The following CTNNA3 variants were observed in gnomAD, a reference collection of about 807,000 sequenced individuals.
CTNNA3 encodes catenin alpha-3.
Under a neutral mutation model 95.7 loss-of-function variants are expected in CTNNA3, and 76 were observed. That is an observed-to-expected ratio of 0.79 (90% CI 0.66 to 0.96). The LOEUF is 0.96. Ranked by LOEUF, CTNNA3 falls within the 40% of genes least tolerant of loss-of-function variation. The pLI is 0.00. For synonymous variants in CTNNA3, 431 were observed against 374.4 expected (o/e 1.15, Z -1.74); for missense variants, 1,191 against 1,089.8 (o/e 1.09, Z -1.31).
rs1297031759 is a variant in CTNNA3, at chr10:67,566,063, A to G, written c.293-26394T>C. On this transcript the variant is annotated intron_variant, in intron 3 of 17. Transcript: ENST00000433211. ...TGTGTGTATATATATATATATATATATATATATATACAAAACCTAGGCATT... is the reference window on the plus strand; with the variant it reads ...TGTGTGTATATATATATATATATATGTATATATATACAAAACCTAGGCATT... Among the ~76,000 whole-genome samples, 14 of 97,160 alleles carry G rather than the reference A, an allele frequency of 1.4e-4. 3 individuals carry two copies. Among genetic ancestry groups the G allele is most frequent in the South Asian group, 4.0e-4 (1 of 2,490 alleles). The allele number at this position is 97,160 out of a possible 152,430, so 63.7% of individuals were successfully genotyped here. A position where few individuals can be genotyped will look rare whatever the true frequency, so the allele number is the denominator to read the frequency against.
chr10:67,401,897 A>G (rs1844937676), intron 5 of CTNNA3, among the ~76,000 whole-genome samples: 1 of 152,246 alleles, frequency 6.6e-6, no homozygotes, highest in Non-Finnish European at 1.5e-5. Context: ...GACACCATAC[A>G]GAGCCTTAGT....
intron 7 of CTNNA3, among the ~76,000 whole-genome samples, chr10:67,172,587 T>C (rs1862065814): frequency 6.6e-6 from 1 of 152,150 alleles, no homozygotes; most frequent in Non-Finnish European, 1.5e-5. Context: ...TCATATAGTT[T>C]CTAGGTGGCC....
chr10:67,665,982 C>T lies in CTNNA3; in HGVS notation c.-5-18464G>A, dbSNP rs138294104. Among the ~76,000 whole-genome samples the T allele has an allele frequency of 8.3e-3, 1,261 of 152,240 alleles. 7 individuals carry two copies. Among genetic ancestry groups the T allele is most frequent in the Non-Finnish European group, 0.012 (790 of 68,012 alleles). On this transcript the variant is annotated intron_variant, in intron 1 of 17. Coordinates refer to ENST00000433211, the MANE Select transcript of CTNNA3 (RefSeq NM_013266.4). ...CATGTTATATGATACTTCCCTGAAG[C>T]GATCAAGCTTTCAGGTTACTTAAGA...
chr10:67,553,891 T>G (rs907474237), intron 3 of CTNNA3, among the ~76,000 whole-genome samples: 1 of 152,298 alleles, frequency 6.6e-6, no homozygotes, highest in East Asian at 1.9e-4. Context: ...GTATATCTCC[T>G]AATGCTATCC....
Position 66,360,664 on chromosome 10 carries a change from TTCCTTCCTTC to T in CTNNA3, c.1732+18478_1732+18487del, listed in dbSNP as rs1564896322. On this transcript the variant is annotated intron_variant, in intron 12 of 17. Transcript: ENST00000433211. ...CTTTCTTTCTTTCTTTCTTTCTTCC[TTCCTTCCTTC>T]CTTCCTTCCTTCCTTCCTTTTCTTT... is the stretch of plus-strand genomic sequence containing the variant. 5.4e-3 allele frequency among the ~76,000 whole-genome samples: 312 copies of T among 57,932 alleles called. 1 individual carries two copies. Among genetic ancestry groups the T allele is most frequent in the East Asian group, 0.012 (19 of 1,524 alleles). 38.0% of individuals were successfully genotyped at this position (57,932 alleles called of 152,430 possible).
intron 2 of CTNNA3, among the ~76,000 whole-genome samples, chr10:67,616,611 C>T (rs1252762801): frequency 6.6e-6 from 1 of 152,082 alleles, no homozygotes; most frequent in African/African-American, 2.4e-5. Flanking sequence ...TGGCATCTGG[C>T]CTGAGCAGCT....
chr10:67,289,413 T>A (rs1232922391), intron 5 of CTNNA3, among the ~76,000 whole-genome samples: 2 of 152,174 alleles, frequency 1.3e-5, no homozygotes, highest in Admixed American at 6.5e-5. Flanking sequence ...AGAGGTATCA[T>A]TTTTGCTCTT....
chr10:66,239,154 T>C, intron 13 of CTNNA3, among the ~76,000 whole-genome samples: 1 of 151,726 alleles, frequency 6.6e-6, no homozygotes, highest in East Asian at 1.9e-4. Flanking sequence ...AATAATCAAT[T>C]AATCAATTAA....
intron 5 of CTNNA3, among the ~76,000 whole-genome samples, chr10:67,517,340 T>G (rs1839847694): frequency 6.6e-6 from 1 of 152,180 alleles, no homozygotes. Context: ...ATTTTTCAAT[T>G]GAAAAATATT....
At chr10:66,370,250 A>G (rs2092744192) in intron 12 of CTNNA3, among the ~76,000 whole-genome samples, 4 of 152,120 alleles carry the variant, frequency 2.6e-5, no homozygotes, top group Admixed American at 1.3e-4. Context: ...TTTTCTGGCT[A>G]TATATAAAGA....
Position 67,124,087 on chromosome 10 carries a change from GT to G in CTNNA3, c.1047+56229del, listed in dbSNP as rs1859594725. ...CTAAGGGTGGGGCCCAGAAATCTGT[GT>G]TTCTACATAAAGGGGATTCTGATGC... On this transcript the variant is annotated intron_variant, in intron 7 of 17. Coordinates refer to ENST00000433211, the MANE Select transcript of CTNNA3 (RefSeq NM_013266.4). Among the ~76,000 whole-genome samples the G allele has an allele frequency of 2.6e-5, 4 of 152,144 alleles. No individual in the cohort carries two copies. In the South Asian group the frequency reaches 8.3e-4, roughly 32 times the overall value.
At chr10:66,238,694 A>G (rs201304558) in intron 13 of CTNNA3, among the ~76,000 whole-genome samples, 3 of 109,382 alleles carry the variant, frequency 2.7e-5, no homozygotes, top group Non-Finnish European at 4.1e-5. Context: ...ATATATATAT[A>G]TATAATTTTT....
intron 7 of CTNNA3, among the ~76,000 whole-genome samples, chr10:66,930,977 A>G (rs1010917227): frequency 6.6e-6 from 1 of 152,154 alleles, no homozygotes; most frequent in Non-Finnish European, 1.5e-5. Context: ...TTTAATAACT[A>G]GTTTACCACT....
intron 7 of CTNNA3, among the ~76,000 whole-genome samples, chr10:66,911,479 T>C (rs565467051): frequency 4.0e-4 from 61 of 152,306 alleles, no homozygotes; most frequent in Middle Eastern, 3.4e-3. Flanking sequence ...GTTAAATCTA[T>C]ATGAGGTTAG....
At chr10:67,750,199 C>T in intron 1 of CTNNA3, 1 of 1,354,422 alleles carries the variant, frequency 7.4e-7, no homozygotes, top group Non-Finnish European at 1.0e-6. Context: ...TCAGTGAGAC[C>T]AAGAACCCAC....
At chr10:66,093,405 G>A (rs1477023799) in intron 14 of CTNNA3, among the ~76,000 whole-genome samples, 1 of 151,996 alleles carries the variant, frequency 6.6e-6, no homozygotes, top group Non-Finnish European at 1.5e-5. Flanking sequence ...TAAATCAATA[G>A]GGGCTAAAGT....
At position 67,703,938 on chromosome 10, in the gene CTNNA3, G is replaced by C. The variant is rs542154625; in HGVS notation, c.-1-56424C>G. 6.1e-3 allele frequency among the ~76,000 whole-genome samples: 926 copies of C among 152,230 alleles called. 3 individuals are homozygous for C. The highest frequency in any genetic ancestry group is 0.013 in the South Asian group (65 of 4,824). On this transcript the variant is annotated intron_variant, in intron 1 of 17. Coordinates refer to the CTNNA3 transcript ENST00000684154. ...GCAACTTCAGCAAAGTCTCAGGATAGAAAATCAATGTACAAAAATCACAAG... is the reference window on the plus strand; with the variant it reads ...GCAACTTCAGCAAAGTCTCAGGATACAAAATCAATGTACAAAAATCACAAG...
chr10:67,726,241 A>T (rs1230455478), intron 1 of CTNNA3, among the ~76,000 whole-genome samples: 1 of 94,808 alleles, frequency 1.1e-5, no homozygotes, highest in Non-Finnish European at 1.8e-5. Flanking sequence ...TATATATTAT[A>T]TATTATATAT....
chr10:66,516,074 A>AG (rs1840845788), intron 11 of CTNNA3, among the ~76,000 whole-genome samples: 1 of 151,686 alleles, frequency 6.6e-6, no homozygotes, highest in Non-Finnish European at 1.5e-5. Context: ...GAAAAAAAAA[A>AG]AAAAAAGGTA....
Sources: gnomAD v4.1 joint callset for allele counts (sites outside exome capture counted in the v4.1 genomes callset) on GRCh38, gnomAD v4.1.1 for gene constraint, MANE v1.5 for transcripts, NCBI Gene and HGNC (gene_info 2026-07-23, HGNC 2026-07-21) for gene names.